SPATA16: variants seen among roughly 807,000 people sequenced by gnomAD.
SPATA16 encodes the protein spermatogenesis-associated protein 16.
Under a neutral mutation model 63.3 loss-of-function variants are expected in SPATA16, and 36 were observed. The observed-to-expected ratio is 0.57, with a 90% CI of 0.44 to 0.75. The LOEUF (loss-of-function observed/expected upper bound fraction) is 0.75, where lower values mean the gene tolerates loss of function less well. Ranked by LOEUF, SPATA16 falls within the 30% of genes least tolerant of loss-of-function variation. The pLI, the probability that SPATA16 is intolerant of heterozygous loss-of-function variation, is 0.00. For synonymous variants in SPATA16, 203 were observed against 216.7 expected (o/e 0.94, Z 0.56); for missense variants, 646 against 679.3 (o/e 0.95, Z 0.54).
At chr3:172,906,597 A>G (rs2109553083) in intron 10 of SPATA16, among the ~76,000 whole-genome samples, 1 of 152,294 alleles carries the variant, frequency 6.6e-6, no homozygotes, top group South Asian at 2.1e-4. Context: ...AGTGCTGGTC[A>G]CTCAGGCTGT....
intron 6 of SPATA16, among the ~76,000 whole-genome samples, chr3:172,937,272 G>A (rs1465180259): frequency 1.3e-5 from 2 of 152,150 alleles, no homozygotes; most frequent in Non-Finnish European, 2.9e-5. Context: ...TGAGGGAGGA[G>A]GAACCTTTGA....
chr3:173,007,298 T>C (rs1734965094), intron 4 of SPATA16, among the ~76,000 whole-genome samples: 1 of 152,080 alleles, frequency 6.6e-6, no homozygotes, highest in African/African-American at 2.4e-5. Context: ...AATGGGAAAT[T>C]CTGAAGAAGT....
At chr3:173,029,774 G>T (rs1735558810) in intron 3 of SPATA16, among the ~76,000 whole-genome samples, 1 of 151,944 alleles carries the variant, frequency 6.6e-6, no homozygotes, top group Admixed American at 6.6e-5. Flanking sequence ...TCCCCATAGG[G>T]ATAGATTTTT....
At chr3:173,117,782 G>A (rs1345300374) in intron 1 of SPATA16, 33 bp from the exon 2 acceptor site, 3 of 1,613,076 alleles carry the variant, frequency 1.9e-6, no homozygotes, top group Non-Finnish European at 2.5e-6. Context: ...AGTAATTAAG[G>A]CAATATTTTG....
chr3:173,100,670 A>C (rs1170219903), intron 2 of SPATA16, among the ~76,000 whole-genome samples: 1 of 99,728 alleles, frequency 1.0e-5, no homozygotes, highest in East Asian at 3.4e-4. Flanking sequence ...GCACACACAC[A>C]CACACACACA....
intron 6 of SPATA16, among the ~76,000 whole-genome samples, chr3:172,938,269 G>T (rs1405669800): frequency 6.6e-6 from 1 of 152,172 alleles, no homozygotes; most frequent in Non-Finnish European, 1.5e-5. Flanking sequence ...AGAGGCGAAG[G>T]ACTTGTCCCC....
At position 173,029,738 on chromosome 3, in the gene SPATA16, A is replaced by C. The variant is rs116003195; in HGVS notation, c.759-10163T>G. 6.5e-3 allele frequency among the ~76,000 whole-genome samples: 993 copies of C among 152,140 alleles called. 16 individuals carry two copies. The highest frequency in any genetic ancestry group is 0.023 in the African/African-American group (951 of 41,530). ...AGCGCCTTGGTCACAAGATATGCAAAACTGCTATACACATGGGTAATTTTC... is the reference window on the plus strand; with the variant it reads ...AGCGCCTTGGTCACAAGATATGCAACACTGCTATACACATGGGTAATTTTC... On this transcript the variant is annotated intron_variant, in intron 3 of 10. Coordinates refer to ENST00000351008, the MANE Select transcript of SPATA16 (RefSeq NM_031955.6).
intron 6 of SPATA16, among the ~76,000 whole-genome samples, chr3:172,947,568 G>T (rs1273737468): frequency 6.6e-6 from 1 of 152,158 alleles, no homozygotes; most frequent in East Asian, 1.9e-4. Context: ...TAGGGGTAGA[G>T]GTGCTGATTA....
intron 3 of SPATA16, among the ~76,000 whole-genome samples, chr3:173,022,114 T>C (rs1452057670): frequency 6.6e-6 from 1 of 151,982 alleles, no homozygotes; most frequent in African/African-American, 2.4e-5. Flanking sequence ...AGAAGATTTT[T>C]GTGAGTAGTG....
At chr3:172,949,263 G>C (rs1733369411) in intron 6 of SPATA16, among the ~76,000 whole-genome samples, 1 of 147,628 alleles carries the variant, frequency 6.8e-6, no homozygotes, top group Middle Eastern at 3.2e-3. Flanking sequence ...GCTGGATGGG[G>C]CTCTACTTTA....
At chr3:172,898,778 C>T (rs1732062686) in intron 10 of SPATA16, among the ~76,000 whole-genome samples, 1 of 150,932 alleles carries the variant, frequency 6.6e-6, no homozygotes, top group Non-Finnish European at 1.5e-5. Flanking sequence ...CCTTCTTTTT[C>T]TAGGTTTTTG....
In SPATA16 at chr3:173,122,722, G is replaced by A. The variant is rs190902035; in HGVS notation, c.-18-4973C>T. Among the ~76,000 whole-genome samples, 11 of 152,310 alleles carry A rather than the reference G, an allele frequency of 7.2e-5. No individual in the cohort carries two copies. The East Asian group carries it at 1.9e-3, about 27-fold the overall frequency. On this transcript the variant is annotated intron_variant, in intron 1 of 10. Coordinates refer to ENST00000351008, the MANE Select transcript of SPATA16 (RefSeq NM_031955.6). ...CATATGAGAGAAACTAAAGATGACCGAGACAGGGGTCTTGGCATTGTAGTG... is the reference window on the plus strand; with the variant it reads ...CATATGAGAGAAACTAAAGATGACCAAGACAGGGGTCTTGGCATTGTAGTG...
intron 4 of SPATA16, among the ~76,000 whole-genome samples, chr3:173,000,904 C>G (rs1436321671): frequency 6.6e-6 from 1 of 151,970 alleles, no homozygotes; most frequent in Admixed American, 6.6e-5. Context: ...AATTTTCATT[C>G]TTTACTTTTA....
At chr3:173,110,582 C>A (rs1359854532) in intron 2 of SPATA16, among the ~76,000 whole-genome samples, 2 of 152,188 alleles carry the variant, frequency 1.3e-5, no homozygotes, top group Non-Finnish European at 2.9e-5. Flanking sequence ...ACAACTTGTA[C>A]ATGAATTTAG....
intron 10 of SPATA16, among the ~76,000 whole-genome samples, chr3:172,900,554 T>C (rs1280153531): frequency 6.6e-6 from 1 of 152,232 alleles, no homozygotes; most frequent in African/African-American, 2.4e-5. Context: ...ATATTAAATC[T>C]GTTATTACAG....
intron 2 of SPATA16, among the ~76,000 whole-genome samples, chr3:173,052,790 G>A (rs953009896): frequency 6.6e-6 from 1 of 152,134 alleles, no homozygotes; most frequent in Non-Finnish European, 1.5e-5. Context: ...GAAACAAAGG[G>A]TATTTGTCTA....
At chr3:172,942,507 A>G (rs1733179626) in intron 6 of SPATA16, among the ~76,000 whole-genome samples, 1 of 149,342 alleles carries the variant, frequency 6.7e-6, no homozygotes, top group Non-Finnish European at 1.5e-5. Flanking sequence ...ACAATTAATA[A>G]TCTTAAAACA....
intron 1 of SPATA16, among the ~76,000 whole-genome samples, chr3:173,121,368 C>T (rs1001327610): frequency 2.0e-5 from 3 of 152,108 alleles, no homozygotes; most frequent in African/African-American, 7.2e-5. Context: ...AGCACTTCTC[C>T]TATAAACTAC....
chr3:172,956,778 A>C lies in SPATA16; in HGVS notation c.980T>G (p.Met327Arg), dbSNP rs908110846. The C allele has an allele frequency of 1.9e-6, 3 of 1,613,506 alleles. No homozygotes were observed. The highest frequency in any genetic ancestry group is 3.3e-5 in the Admixed American group (2 of 59,964). Residue 327 changes from methionine to arginine, a missense_variant, in exon 6 of 11, where the codon ATG becomes AGG. Transcript: ENST00000351008. ...AITRAESFSV[M>R]YTPFATKIRA... Reference sequence around the variant, plus strand: ...TATTTTTGTCGCAAATGGTGTGTACATAACCGAGAAAGATTCAGCTCTGGT... The same window carrying C: ...TATTTTTGTCGCAAATGGTGTGTACCTAACCGAGAAAGATTCAGCTCTGGT...
Sources: gnomAD v4.1 joint callset for allele counts (sites outside exome capture counted in the v4.1 genomes callset) on GRCh38, gnomAD v4.1.1 for gene constraint, MANE v1.5 for transcripts, NCBI Gene and HGNC (gene_info 2026-07-23, HGNC 2026-07-21) for gene names.